Variants in PTPN11 observed in about 807,000 individuals in gnomAD.
PTPN11 encodes the protein tyrosine-protein phosphatase non-receptor type 11.
A neutral mutation model predicts 78.8 loss-of-function variants in PTPN11; 6 were observed. That is an observed-to-expected ratio of 0.08 (90% CI 0.04 to 0.15). PTPN11 has a LOEUF of 0.15. Ranked by LOEUF, PTPN11 falls within the 10% of genes least tolerant of loss-of-function variation. The pLI, the probability that PTPN11 is intolerant of heterozygous loss-of-function variation, is 1.00. For synonymous variants in PTPN11, 221 were observed against 263.5 expected, an observed-to-expected ratio of 0.84 and a Z score of 1.56; for missense variants, 386 against 744.8, an observed-to-expected ratio of 0.52 and a Z score of 5.61.
intron 1 of PTPN11, among the ~76,000 whole-genome samples, chr12:112,442,897 CAT>C (rs1237149389): frequency 2.7e-5 from 2 of 75,164 alleles, no homozygotes; most frequent in African/African-American, 6.3e-5. Flanking sequence ...ATACACTACA[CAT>C]ATATGTATGT....
chr12:112,483,638 G>A (rs1481191324), intron 10 of PTPN11, among the ~76,000 whole-genome samples: 1 of 152,206 alleles, frequency 6.6e-6, no homozygotes, highest in African/African-American at 2.4e-5. Flanking sequence ...GAGACTGGAG[G>A]GGGCAGGAGT....
intron 1 of PTPN11, among the ~76,000 whole-genome samples, chr12:112,433,588 A>T (rs776133540): frequency 6.6e-6 from 1 of 152,204 alleles, no homozygotes; most frequent in Non-Finnish European, 1.5e-5. Flanking sequence ...GGATAACATA[A>T]ATGTCCTATA....
intron 1 of PTPN11, among the ~76,000 whole-genome samples, chr12:112,435,525 G>A (rs967789555): frequency 2.0e-5 from 3 of 152,156 alleles, no homozygotes; most frequent in East Asian, 1.9e-4. Context: ...TGAAGCAACC[G>A]CTGAGCCTGC....
At chr12:112,484,359 CAG>C (rs892664696) in intron 10 of PTPN11, among the ~76,000 whole-genome samples, 2 of 152,282 alleles carry the variant, frequency 1.3e-5, no homozygotes, top group African/African-American at 4.8e-5. Flanking sequence ...GGGCACAAAA[CAG>C]AAAGTACGTG....
chr12:112,480,546 A>T (rs1344299414), intron 9 of PTPN11, among the ~76,000 whole-genome samples: 1 of 99,254 alleles, frequency 1.0e-5, no homozygotes, highest in East Asian at 1.2e-3. Flanking sequence ...TTGTAATTTT[A>T]GTAGAGACAG....
At chr12:112,439,281 A>G (rs1030280664) in intron 1 of PTPN11, among the ~76,000 whole-genome samples, 5 of 152,018 alleles carry the variant, frequency 3.3e-5, no homozygotes, top group African/African-American at 1.2e-4. Flanking sequence ...TAAACTTTTT[A>G]AAAAATTTAT....
chr12:112,460,148 A>C (rs893952391), intron 6 of PTPN11, among the ~76,000 whole-genome samples: 1 of 152,006 alleles, frequency 6.6e-6, no homozygotes, highest in African/African-American at 2.4e-5. Context: ...GGGTTTCACC[A>C]TGTTGGCCAG....
At position 112,419,006 on chromosome 12, in the gene PTPN11, G is replaced by A. The variant is rs1318284070; in HGVS notation, c.-106G>A. 16 of 1,440,002 alleles carry A rather than the reference G, an allele frequency of 1.1e-5. No homozygotes were observed. The highest frequency in any genetic ancestry group is 1.0e-4 in the East Asian group (4 of 39,070). 89.2% of individuals were successfully genotyped at this position (1,440,002 alleles called of 1,614,324 possible). A position where few individuals can be genotyped will look rare whatever the true frequency, so the allele number is the denominator to read the frequency against. On this transcript the variant is annotated 5_prime_UTR_variant, in exon 1 of 16. Transcript: ENST00000351677. ...GTGCGCGGCCGGCTGGCTCTGCCCCGCGTCCGGTCCCGAGCGGGCCTCCCT... is the reference window on the plus strand; with the variant it reads ...GTGCGCGGCCGGCTGGCTCTGCCCCACGTCCGGTCCCGAGCGGGCCTCCCT...
chr12:112,460,076 T>TAG (rs910807196), intron 6 of PTPN11, among the ~76,000 whole-genome samples: 1 of 152,118 alleles, frequency 6.6e-6, no homozygotes, highest in African/African-American at 2.4e-5. Flanking sequence ...GCCTCCTGAG[T>TAG]AGCTGGGACT....
At chr12:112,455,834 C>G in intron 5 of PTPN11, 116 bp from the exon 6 acceptor site, 1 of 704,604 alleles carries the variant, frequency 1.4e-6, no homozygotes, top group Non-Finnish European at 2.5e-6. Context: ...TCCTATGAAC[C>G]CTCTGTCCGT....
At chr12:112,427,676 TGAG>T (rs1209638108) in intron 1 of PTPN11, among the ~76,000 whole-genome samples, 1 of 151,994 alleles carries the variant, frequency 6.6e-6, no homozygotes, top group Non-Finnish European at 1.5e-5. Context: ...ATGAGCAAGA[TGAG>T]GAGAAGGATG....
intron 6 of PTPN11, among the ~76,000 whole-genome samples, chr12:112,466,104 CAAAG>C (rs2038322193): frequency 6.6e-6 from 1 of 152,064 alleles, no homozygotes; most frequent in African/African-American, 2.4e-5. Flanking sequence ...AGGCAGTAAA[CAAAG>C]AAACAGTTCA....
At chr12:112,460,447 C>G (rs1049022787) in intron 6 of PTPN11, among the ~76,000 whole-genome samples, 15 of 152,102 alleles carry the variant, frequency 9.9e-5, no homozygotes, top group African/African-American at 3.6e-4. Context: ...CAACATTGTT[C>G]ATATTATACC....
intron 14 of PTPN11, 150 bp downstream of exon 14, chr12:112,502,406 G>A: frequency 2.7e-6 from 2 of 746,724 alleles, no homozygotes; most frequent in Non-Finnish European, 4.9e-6. Flanking sequence ...ATCTGTGACT[G>A]GTGATATCTA....
intron 11 of PTPN11, 140 bp from the exon 12 acceptor site, chr12:112,488,303 A>T: frequency 2.3e-6 from 2 of 855,756 alleles, no homozygotes; most frequent in Admixed American, 1.9e-5. Context: ...TTGCCAACAT[A>T]TTTTCAAACA....
intron 1 of PTPN11, among the ~76,000 whole-genome samples, chr12:112,437,089 C>T (rs192304804): frequency 1.3e-5 from 2 of 152,132 alleles, no homozygotes; most frequent in East Asian, 3.9e-4. Flanking sequence ...CTAAGGTTAA[C>T]AAGACATTCA....
chr12:112,436,846 G>A (rs1335892138), intron 1 of PTPN11, among the ~76,000 whole-genome samples: 1 of 151,876 alleles, frequency 6.6e-6, no homozygotes, highest in Non-Finnish European at 1.5e-5. Flanking sequence ...CCCTCAAATT[G>A]CAAGTTAGAA....
chr12:112,492,137 A>C (rs932264358), intron 13 of PTPN11, among the ~76,000 whole-genome samples: 3 of 152,204 alleles, frequency 2.0e-5, no homozygotes, highest in Non-Finnish European at 2.9e-5. Flanking sequence ...GGATTTGTCC[A>C]GTGTTTTCTC....
chr12:112,437,245 C>T (rs2037807573), intron 1 of PTPN11, among the ~76,000 whole-genome samples: 1 of 152,076 alleles, frequency 6.6e-6, no homozygotes, highest in African/African-American at 2.4e-5. Context: ...CTGCCTCCCG[C>T]CTCCCGGGTT....
Sources: gnomAD v4.1 joint callset for allele counts (sites outside exome capture counted in the v4.1 genomes callset) on GRCh38, gnomAD v4.1.1 for gene constraint, MANE v1.5 for transcripts, NCBI Gene and HGNC (gene_info 2026-07-23, HGNC 2026-07-21) for gene names.